Variants in BRINP3 observed in about 807,000 individuals in gnomAD.
BRINP3 encodes the protein BMP/retinoic acid inducible neural specific 3.
A neutral mutation model predicts 71.0 loss-of-function variants in BRINP3; 19 were observed. The observed-to-expected ratio is 0.27, with a 90% confidence interval of 0.19 to 0.39. BRINP3 has a LOEUF of 0.39. Ranked by LOEUF, BRINP3 falls within the 10% of genes least tolerant of loss-of-function variation. BRINP3 has a pLI of 1.00. For synonymous variants in BRINP3, 380 were observed against 337.7 expected (o/e 1.13, Z -1.37); for missense variants, 959 against 940.8 (o/e 1.02, Z -0.25).
intron 6 of BRINP3, among the ~76,000 whole-genome samples, chr1:190,224,425 T>G (rs1185077759): frequency 6.6e-6 from 1 of 151,802 alleles, no homozygotes; most frequent in East Asian, 1.9e-4. Context: ...AAAAAATGGA[T>G]AATTTTATGC....
At chr1:190,407,361 C>T (rs12070897) in intron 2 of BRINP3, among the ~76,000 whole-genome samples, 2,336 of 152,112 alleles carry the variant, frequency 0.015, 56 homozygotes, top group African/African-American at 0.053. Context: ...AGATGAGTGT[C>T]CTCCCAATTG....
chr1:190,466,563 T>C (rs1676763939), intron 1 of BRINP3, among the ~76,000 whole-genome samples: 1 of 151,776 alleles, frequency 6.6e-6, no homozygotes, highest in African/African-American at 2.4e-5. Context: ...AATCTTCAGT[T>C]TCTTTTTTAC....
chr1:190,357,317 T>C lies in BRINP3; in HGVS notation c.237-75567A>G, dbSNP rs535544146. On this transcript the variant is annotated intron_variant, in intron 2 of 7. Transcript: ENST00000367462. ...TGTTTGTGCCTACAAAGGTTTTGCT[T>C]GTAAAGAAATTGAATTTTAAAAACA... Among the ~76,000 whole-genome samples, 35 of 152,154 alleles carry C rather than the reference T, an allele frequency of 2.3e-4. 1 individual carries two copies. The highest frequency in any genetic ancestry group is 3.4e-3 in the Middle Eastern group (1 of 294).
chr1:190,308,099 A>C lies in BRINP3; in HGVS notation c.237-26349T>G, dbSNP rs1020959985. 1.4e-4 allele frequency among the ~76,000 whole-genome samples: 22 copies of C among 151,870 alleles called. 1 individual carries two copies. The highest frequency in any genetic ancestry group is 4.4e-4 in the African/African-American group (18 of 41,370). ...TAATAGGGAACCTCTAACTCCTTCC[A>C]CACCCTCACCTACACCTAAAACTGT... On this transcript the variant is annotated intron_variant, in intron 2 of 7. Transcript: ENST00000367462.
At chr1:190,311,670 A>G (rs1294334981) in intron 2 of BRINP3, among the ~76,000 whole-genome samples, 2 of 151,486 alleles carry the variant, frequency 1.3e-5, no homozygotes, top group African/African-American at 4.8e-5. Flanking sequence ...GAAAGTTTAT[A>G]TCATCACAGT....
chr1:190,437,595 T>C (rs1190356039), intron 2 of BRINP3, among the ~76,000 whole-genome samples: 1 of 151,850 alleles, frequency 6.6e-6, no homozygotes, highest in Non-Finnish European at 1.5e-5. Context: ...GTTATGGTAA[T>C]ACACTCACGT....
chr1:190,352,758 CAA>C (rs1196668304), intron 2 of BRINP3, among the ~76,000 whole-genome samples: 4 of 151,888 alleles, frequency 2.6e-5, no homozygotes, highest in Non-Finnish European at 4.4e-5. Flanking sequence ...TACCTCACAA[CAA>C]AACCTACCCA....
At chr1:190,224,547 A>G (rs999974387) in intron 6 of BRINP3, among the ~76,000 whole-genome samples, 4 of 151,984 alleles carry the variant, frequency 2.6e-5, no homozygotes, top group African/African-American at 9.6e-5. Context: ...ATTATTTAGG[A>G]AACACTACAG....
intron 2 of BRINP3, among the ~76,000 whole-genome samples, chr1:190,396,822 G>A: frequency 6.7e-6 from 1 of 148,778 alleles, no homozygotes; most frequent in East Asian, 2.0e-4. Context: ...ATGGGGAGAG[G>A]GTGCAAATGG....
intron 2 of BRINP3, among the ~76,000 whole-genome samples, chr1:190,419,275 GAC>G (rs1421860485): frequency 6.6e-6 from 1 of 151,908 alleles, no homozygotes; most frequent in Admixed American, 6.6e-5. Context: ...GTCATTGCAA[GAC>G]ACCAATTTAT....
chr1:190,245,044 C>T (rs1659456529), intron 4 of BRINP3, among the ~76,000 whole-genome samples: 1 of 151,944 alleles, frequency 6.6e-6, no homozygotes, highest in Non-Finnish European at 1.5e-5. Context: ...AATAGGACAA[C>T]TAATACCTGT....
At chr1:190,192,811 G>T (rs1024146231) in intron 6 of BRINP3, among the ~76,000 whole-genome samples, 6 of 152,204 alleles carry the variant, frequency 3.9e-5, no homozygotes, top group Admixed American at 3.3e-4. Context: ...AACTGGTTGG[G>T]CTTTGATTCA....
At chr1:190,153,772 G>A (rs558159079) in intron 7 of BRINP3, among the ~76,000 whole-genome samples, 57 of 152,252 alleles carry the variant, frequency 3.7e-4, no homozygotes, top group African/African-American at 1.3e-3. Flanking sequence ...GAGGTTGGAG[G>A]ATCCCTTGAG....
At chr1:190,430,939 A>G (rs1221072632) in intron 2 of BRINP3, among the ~76,000 whole-genome samples, 5 of 152,108 alleles carry the variant, frequency 3.3e-5, no homozygotes, top group Non-Finnish European at 7.4e-5. Context: ...TCCTGTTCAA[A>G]TGATAATTGT....
intron 2 of BRINP3, among the ~76,000 whole-genome samples, chr1:190,340,518 CT>C (rs1442611464): frequency 6.6e-6 from 1 of 151,792 alleles, no homozygotes; most frequent in Non-Finnish European, 1.5e-5. Flanking sequence ...AGTTTAATAT[CT>C]CTGGAATTAT....
intron 4 of BRINP3, among the ~76,000 whole-genome samples, chr1:190,249,642 T>C (rs1045546374): frequency 2.6e-5 from 4 of 151,828 alleles, no homozygotes; most frequent in Non-Finnish European, 4.4e-5. Context: ...ATGGAAAGGA[T>C]TCCATTTGGT....
intron 7 of BRINP3, among the ~76,000 whole-genome samples, chr1:190,110,151 C>A (rs1652540134): frequency 6.6e-6 from 1 of 152,150 alleles, no homozygotes; most frequent in African/African-American, 2.4e-5. Context: ...TTAGCCTTTG[C>A]AACCAATACG....
intron 2 of BRINP3, among the ~76,000 whole-genome samples, chr1:190,398,500 T>G (rs1671723709): frequency 6.6e-6 from 1 of 151,960 alleles, no homozygotes; most frequent in South Asian, 2.1e-4. Context: ...CAAATGAGTA[T>G]ACGCATTCTA....
chr1:190,453,933 T>C (rs1249348328), intron 2 of BRINP3, among the ~76,000 whole-genome samples: 1 of 152,222 alleles, frequency 6.6e-6, no homozygotes, highest in East Asian at 1.9e-4. Context: ...AAAATGTTCT[T>C]CATGGCATAG....
Sources: gnomAD v4.1 joint callset for allele counts (sites outside exome capture counted in the v4.1 genomes callset) on GRCh38, gnomAD v4.1.1 for gene constraint, MANE v1.5 for transcripts, NCBI Gene and HGNC (gene_info 2026-07-23, HGNC 2026-07-21) for gene names.